The following NLRC5 variants were observed in gnomAD, a reference collection of about 807,000 sequenced individuals.
The protein encoded by NLRC5 is protein NLRC5.
A neutral mutation model predicts 206.9 loss-of-function variants in NLRC5; 114 were observed. The ratio of observed to expected loss-of-function variants is 0.55; its 90% CI spans 0.47 to 0.64. The LOEUF (loss-of-function observed/expected upper bound fraction) is 0.64, where lower values mean the gene tolerates loss of function less well. Among genes scored for constraint, NLRC5 ranks in the 30% least tolerant of loss-of-function variants. The pLI is 0.00. For missense variants in NLRC5, 2,008 were observed against 2,305.5 expected (o/e 0.87, Z 2.64); for synonymous variants, 952 against 962.8 (o/e 0.99, Z 0.21).
chr16:57,049,161 T>C (rs1345638894), intron 23 of NLRC5, among the ~76,000 whole-genome samples: 2 of 152,132 alleles, frequency 1.3e-5, no homozygotes, highest in African/African-American at 4.8e-5. Flanking sequence ...TAAGAAAGTT[T>C]ACGAATTTTT....
At chr16:57,050,119 A>T (rs2064666273) in intron 23 of NLRC5, among the ~76,000 whole-genome samples, 1 of 150,902 alleles carries the variant, frequency 6.6e-6, no homozygotes, top group African/African-American at 2.4e-5. Flanking sequence ...AAAAAAAAAA[A>T]AGGAGGGTGT....
chr16:57,074,805 C>T, intron 39 of NLRC5, 122 bp downstream of exon 39: 1 of 902,128 alleles, frequency 1.1e-6, no homozygotes, highest in South Asian at 1.4e-5. Context: ...CCCTCCCAGG[C>T]CCATCCCTGT....
chr16:57,036,016 A>G (rs1187274697), intron 13 of NLRC5, 84 bp from the exon 14 acceptor site: 15 of 1,303,454 alleles, frequency 1.2e-5, no homozygotes, highest in Admixed American at 3.4e-5. Context: ...CACTTTGACT[A>G]AAGTTAGCAA....
chr16:57,031,777 T>G lies in NLRC5; in HGVS notation c.2477+314T>G, dbSNP rs147347448. Among the ~76,000 whole-genome samples, 885 of 148,616 alleles carry G rather than the reference T, an allele frequency of 6.0e-3. 11 individuals are homozygous for G. Among genetic ancestry groups the G allele is most frequent in the African/African-American group, 0.021 (836 of 40,068 alleles). On this transcript the variant is annotated intron_variant, in intron 11 of 48. Coordinates refer to ENST00000688547, the MANE Select transcript of NLRC5 (RefSeq NM_001384950.1). The stretch of plus-strand genomic sequence containing the variant: ...GATGGTGAAAACTCTGGAAAAGCCC[T>G]TACAACTGAAAAAAGACAGGGAGGG...
intron 11 of NLRC5, among the ~76,000 whole-genome samples, chr16:57,032,057 A>C (rs1346116940): frequency 6.6e-6 from 1 of 152,010 alleles, no homozygotes; most frequent in Admixed American, 6.6e-5. Context: ...TATGCCCCTG[A>C]GCAATCTCTT....
At chr16:57,072,095 A>G (rs1013295564) in intron 38 of NLRC5, among the ~76,000 whole-genome samples, 2 of 152,124 alleles carry the variant, frequency 1.3e-5, no homozygotes, top group Non-Finnish European at 2.9e-5. Context: ...TACGAGGCCA[A>G]TGACTTCAGG....
At position 57,026,307 on chromosome 16, in the gene NLRC5, C is replaced by T. The variant is rs878972384; in HGVS notation, c.1364C>T (p.Ser455Leu). ...ALSPPGHLPT[S>L]SLLDLGEVAL... ...AGCCCCCCTGGGCACTTGCCCACCT[C>T]GTCCCTACTGGACCTGGGGGAGGTG... is the stretch of plus-strand genomic sequence containing the variant. Residue 455 changes from serine (S) to leucine (L), a missense_variant, in exon 6 of 49, where the codon TCG (serine) becomes TTG (leucine). Transcript: ENST00000688547. 1.7e-5 allele frequency: 28 copies of T among 1,614,046 alleles called. No homozygotes were observed. Among genetic ancestry groups the T allele is most frequent in the East Asian group, 2.2e-5 (1 of 44,884 alleles).
intron 24 of NLRC5, among the ~76,000 whole-genome samples, chr16:57,053,341 A>G (rs559400730): frequency 5.9e-5 from 9 of 152,186 alleles, no homozygotes; most frequent in African/African-American, 2.2e-4. Flanking sequence ...AGGCATGATT[A>G]AGCTTGGTGG....
chr16:57,037,529 C>G (rs2062754089), intron 15 of NLRC5, among the ~76,000 whole-genome samples: 1 of 152,086 alleles, frequency 6.6e-6, no homozygotes, highest in Admixed American at 6.6e-5. Context: ...GGGTACAACC[C>G]CCACTTTCCC....
intron 9 of NLRC5, 48 bp from the exon 10 acceptor site, chr16:57,029,947 C>T (rs1284510030): frequency 1.7e-5 from 28 of 1,611,670 alleles, no homozygotes; most frequent in African/African-American, 2.7e-5. Context: ...GTCTGGGGCC[C>T]CTGGGGTAGG....
rs768858241 is a variant in NLRC5 at position 57,033,586 on chromosome 16, T to C, written c.2478-18T>C. On this transcript the variant is annotated intron_variant, in intron 11 of 48. Coordinates refer to ENST00000688547, the MANE Select transcript of NLRC5 (RefSeq NM_001384950.1). ...TAGATGCCTGAGCCCAGGCCAATGC[T>C]TGATTTGTTCTTGCCAGAGCTCCAG... 3 of 1,613,772 alleles carry C rather than the reference T, an allele frequency of 1.9e-6. No individual in the cohort carries two copies. The highest frequency in any genetic ancestry group is 2.5e-6 in the Non-Finnish European group (3 of 1,179,828).
At chr16:57,013,817 T>A (rs1243226273) in intron 1 of NLRC5, 1 of 702,396 alleles carries the variant, frequency 1.4e-6, no homozygotes, top group African/African-American at 1.8e-5. Context: ...ACTAGCAGTA[T>A]CTCCAGCATA....
intron 1 of NLRC5, among the ~76,000 whole-genome samples, chr16:57,008,282 C>T (rs183554362): frequency 1.3e-5 from 2 of 152,266 alleles, no homozygotes; most frequent in African/African-American, 2.4e-5. Flanking sequence ...TGAGCACTTA[C>T]ATTTTCTTAA....
At chr16:57,042,949 T>G (rs2063476833) in intron 19 of NLRC5, among the ~76,000 whole-genome samples, 1 of 152,178 alleles carries the variant, frequency 6.6e-6, no homozygotes, top group Admixed American at 6.5e-5. Flanking sequence ...GCAAATTACA[T>G]GAAGACTGGA....
rs2061634950 is a variant in NLRC5, at chr16:57,030,090, C to T, written c.2417+6C>T. ...GTCAGGATGCTTCAGGCCAGGTGAG[C>T]AGAAGGAAAGGGATCTTGGCCTTAT... On this transcript the variant is annotated splice_donor_region_variant and intron_variant, in intron 10 of 48. Coordinates refer to ENST00000688547, the MANE Select transcript of NLRC5 (RefSeq NM_001384950.1). 6.2e-7 allele frequency: 1 copy of T among 1,612,590 alleles called. No individual in the cohort carries two copies.
intron 39 of NLRC5, among the ~76,000 whole-genome samples, chr16:57,076,546 G>C (rs1055497856): frequency 2.6e-5 from 4 of 152,222 alleles, no homozygotes; most frequent in Non-Finnish European, 4.4e-5. Context: ...TGGGCCAGGG[G>C]CTCTGGATTT....
chr16:57,071,333 T>G (rs1597441522), intron 38 of NLRC5, among the ~76,000 whole-genome samples: 3 of 97,580 alleles, frequency 3.1e-5, no homozygotes, highest in Non-Finnish European at 6.2e-5. Flanking sequence ...TGGGGAAGGG[T>G]TGTGAGTGAG....
chr16:57,046,755 G>T, intron 22 of NLRC5, 114 bp downstream of exon 22: 1 of 842,364 alleles, frequency 1.2e-6, no homozygotes. Flanking sequence ...AAGAGAGGGA[G>T]TTTAAGAGAA....
chr16:57,058,327 C>T (rs2144564250), intron 28 of NLRC5, 179 bp downstream of exon 28: 2 of 593,214 alleles, frequency 3.4e-6, no homozygotes, highest in African/African-American at 1.9e-5. Context: ...TTTCCTCTGT[C>T]CCTCACACCC....
Sources: allele counts gnomAD v4.1 joint callset (sites outside exome capture counted in the v4.1 genomes callset), GRCh38; gene constraint gnomAD v4.1.1; transcripts MANE v1.5; gene names NCBI Gene and HGNC (gene_info 2026-07-23, HGNC 2026-07-21).